Variants in CMYA5 observed in about 807,000 individuals in gnomAD.
CMYA5 encodes the protein cardiomyopathy-associated protein 5.
CMYA5 carries 246 observed loss-of-function variants against 318.9 expected under a neutral mutation model. That is an observed-to-expected ratio of 0.77 (90% CI 0.70 to 0.86). The LOEUF (loss-of-function observed/expected upper bound fraction) is 0.86. CMYA5 is among the 40% of genes least tolerant of loss of function. The pLI is 0.00. For missense variants in CMYA5, 4,589 were observed against 4,678.2 expected, an observed-to-expected ratio of 0.98 and a Z score of 0.56; for synonymous variants, 1,641 against 1,729.5, an observed-to-expected ratio of 0.95 and a Z score of 1.27.
At chr5:79,698,865 T>A (rs543879314) in intron 1 of CMYA5, among the ~76,000 whole-genome samples, 1 of 152,292 alleles carries the variant, frequency 6.6e-6, no homozygotes, top group South Asian at 2.1e-4. Context: ...GCCTAATAAG[T>A]GGTGGTTGTG....
At position 79,730,452 on chromosome 5, in the gene CMYA5, A is replaced by G. The variant is rs1341457206; in HGVS notation, c.1687A>G (p.Ile563Val). 6.2e-7 allele frequency: 1 copy of G among 1,613,868 alleles called. No individual in the cohort carries two copies. Among genetic ancestry groups the G allele is most frequent in the Non-Finnish European group, 8.5e-7 (1 of 1,179,834 alleles). The stretch of plus-strand genomic sequence containing the variant: ...AGTGGAGCACAAAGAAGAAGAGCTT[A>G]TTCTACCATTATTGGCAGCATCATC... ...PEVEHKEEEL[I>V]LPLLAASSPE... Residue 563 changes from isoleucine (I) to valine (V), a missense_variant, in exon 2 of 13, where the codon ATT becomes GTT. This residue lies in a region of CMYA5 where 2,132 missense variants were observed against 2,131.3 expected (regional missense o/e 1.00). Transcript: ENST00000446378.
chr5:79,795,904 G>A (rs928647051), intron 12 of CMYA5, among the ~76,000 whole-genome samples: 6 of 152,222 alleles, frequency 3.9e-5, no homozygotes, highest in Non-Finnish European at 8.8e-5. Flanking sequence ...GACCAGCCAG[G>A]TCTCTGTTCA....
At position 79,730,971 on chromosome 5, in the gene CMYA5, A is replaced by G; in HGVS notation, c.2206A>G (p.Lys736Glu). ...TGAGTACATGATTCCATCAGAAGAG[A>G]AGGAAGACACTGGATCGTTTACTCC... ...VSEYMIPSEE[K>E]EDTGSFTPAV... The change falls in exon 2 of 13, where the codon AAG (lysine) becomes GAG (glutamate). Residue 736 changes from lysine (K) to glutamate (E), a missense_variant. Physicochemically the swap from Lys to Glu is moderately conservative, Grantham distance 56. This residue lies in a region of CMYA5 where 2,132 missense variants were observed against 2,131.3 expected (regional missense o/e 1.00). Coordinates refer to ENST00000446378, the MANE Select transcript of CMYA5 (RefSeq NM_153610.5). 1 of 1,613,976 alleles carries G rather than the reference A, an allele frequency of 6.2e-7. No homozygotes were observed. The highest frequency in any genetic ancestry group is 1.1e-5 in the South Asian group (1 of 91,080).
At chr5:79,743,018 A>G (rs1056916498) in intron 2 of CMYA5, among the ~76,000 whole-genome samples, 1 of 152,120 alleles carries the variant, frequency 6.6e-6, no homozygotes, top group African/African-American at 2.4e-5. Flanking sequence ...GAGTGCAATG[A>G]CGAAGCCTGT....
chr5:79,766,565 T>A (rs978346629), intron 9 of CMYA5, among the ~76,000 whole-genome samples: 18 of 152,230 alleles, frequency 1.2e-4, no homozygotes, highest in Non-Finnish European at 1.9e-4. Flanking sequence ...GAGATAATCA[T>A]GTGGTTATTG....
intron 9 of CMYA5, among the ~76,000 whole-genome samples, chr5:79,785,404 G>T (rs1829065588): frequency 6.6e-6 from 1 of 151,964 alleles, no homozygotes; most frequent in African/African-American, 2.4e-5. Context: ...AAATTTTTAT[G>T]ATGTTGCATT....
Position 79,735,259 on chromosome 5 carries a change from A to G in CMYA5, c.6494A>G (p.Asp2165Gly). 6.2e-7 allele frequency: 1 copy of G among 1,613,876 alleles called. No homozygotes were observed. The highest frequency in any genetic ancestry group is 1.1e-5 in the South Asian group (1 of 91,082). ...ACACAACCAAAGGTGGCTAAGCCGGACCTTCCTGAGGAAAAGGGAAAGAAA... is the reference window on the plus strand; with the variant it reads ...ACACAACCAAAGGTGGCTAAGCCGGGCCTTCCTGAGGAAAAGGGAAAGAAA... ...PPTQPKVAKP[D>G]LPEEKGKKGI... Residue 2165 changes from aspartate (D) to glycine (G), a missense_variant, in exon 2 of 13, where the codon GAC becomes GGC. Asp to Gly is a moderately conservative substitution (Grantham distance 94). This residue lies in a region of CMYA5 where 2,431 missense variants were observed against 2,495.1 expected (regional missense o/e 0.97). Transcript: ENST00000446378.
At chr5:79,700,019 T>A (rs1827144726) in intron 1 of CMYA5, among the ~76,000 whole-genome samples, 1 of 152,242 alleles carries the variant, frequency 6.6e-6, no homozygotes, top group African/African-American at 2.4e-5. Flanking sequence ...CATCTGAAGA[T>A]CAGGCCTTAT....
At chr5:79,739,484 A>G (rs1828168756) in intron 2 of CMYA5, 81 bp downstream of exon 2, 50 of 1,064,872 alleles carry the variant, frequency 4.7e-5, no homozygotes, top group Non-Finnish European at 6.1e-5. Flanking sequence ...AATTTTAAAG[A>G]TGATTAATAT....
intron 9 of CMYA5, among the ~76,000 whole-genome samples, chr5:79,785,913 T>A (rs1829074661): frequency 6.6e-6 from 1 of 152,224 alleles, no homozygotes; most frequent in African/African-American, 2.4e-5. Flanking sequence ...CAGTTGCTCC[T>A]TGCCAAAACT....
rs113260691 is a variant in CMYA5 at position 79,769,320 on chromosome 5, G to A, written c.11555+6111G>A. On this transcript the variant is annotated intron_variant, in intron 9 of 12. Coordinates refer to ENST00000446378, the MANE Select transcript of CMYA5 (RefSeq NM_153610.5). ...TGTCAGTTAGTCAAACTCATTTTCTGTCTAGTTTTGTTCCCTTGCTGGTGA... is the reference window on the plus strand; with the variant it reads ...TGTCAGTTAGTCAAACTCATTTTCTATCTAGTTTTGTTCCCTTGCTGGTGA... Among the ~76,000 whole-genome samples the A allele has an allele frequency of 2.2e-3, 337 of 151,986 alleles. 2 individuals are homozygous for A. Among genetic ancestry groups the A allele is most frequent in the African/African-American group, 7.9e-3 (329 of 41,468 alleles).
At chr5:79,759,054 A>C (rs966466676) in intron 7 of CMYA5, among the ~76,000 whole-genome samples, 152 bp downstream of exon 7, 1 of 152,258 alleles carries the variant, frequency 6.6e-6, no homozygotes, top group African/African-American at 2.4e-5. Flanking sequence ...ATATAATGAA[A>C]TAATAACTAC....
chr5:79,701,724 G>A (rs903552721), intron 1 of CMYA5, among the ~76,000 whole-genome samples: 1 of 152,136 alleles, frequency 6.6e-6, no homozygotes, highest in East Asian at 1.9e-4. Context: ...GTATGTACTC[G>A]AGAGAAATGA....
intron 1 of CMYA5, among the ~76,000 whole-genome samples, chr5:79,694,232 A>G (rs1160234770): frequency 2.6e-5 from 4 of 151,974 alleles, no homozygotes; most frequent in African/African-American, 7.2e-5. Context: ...CAGGATAAAA[A>G]CAAACAAACA....
Position 79,797,623 on chromosome 5 carries a change from T to G in CMYA5, c.11964-1747T>G, listed in dbSNP as rs367579306. Among the ~76,000 whole-genome samples the G allele has an allele frequency of 1.3e-3, 202 of 152,272 alleles. 1 individual carries two copies. The South Asian group carries it at 0.024, about 18-fold the overall frequency. On this transcript the variant is annotated intron_variant, in intron 12 of 12. Transcript: ENST00000446378. ...GTCAAGGAGAAGCCACCACACTATCTCCACATCTGAGTATCTCTATCCCAT... is the reference window on the plus strand; with the variant it reads ...GTCAAGGAGAAGCCACCACACTATCGCCACATCTGAGTATCTCTATCCCAT...
intron 3 of CMYA5, 24 bp downstream of exon 3, chr5:79,743,946 C>A: frequency 8.3e-7 from 1 of 1,199,936 alleles, no homozygotes; most frequent in South Asian, 1.4e-5. Flanking sequence ...CCCATTTTAC[C>A]TTAACCTGGC....
At chr5:79,788,211 G>A (rs1358232840) in intron 9 of CMYA5, among the ~76,000 whole-genome samples, 3 of 142,212 alleles carry the variant, frequency 2.1e-5, no homozygotes, top group Non-Finnish European at 4.6e-5. Context: ...AGCCCTGCTT[G>A]CTTTTTTTTT....
chr5:79,704,979 C>A (rs1199377763), intron 1 of CMYA5, among the ~76,000 whole-genome samples: 1 of 152,216 alleles, frequency 6.6e-6, no homozygotes, highest in Non-Finnish European at 1.5e-5. Context: ...AGCTTTTAAA[C>A]ATTTTTCTCC....
At chr5:79,742,424 C>G (rs1035390878) in intron 2 of CMYA5, among the ~76,000 whole-genome samples, 1 of 152,106 alleles carries the variant, frequency 6.6e-6, no homozygotes, top group Non-Finnish European at 1.5e-5. Context: ...TGGCTACCAG[C>G]GATCTTCCCA....
Sources: gnomAD v4.1 joint callset for allele counts (sites outside exome capture counted in the v4.1 genomes callset) on GRCh38, gnomAD v4.1.1 for gene constraint, gnomAD v4.1.1 regional missense constraint, MANE v1.5 for transcripts, NCBI Gene and HGNC (gene_info 2026-07-23, HGNC 2026-07-21) for gene names.